Variants in NBR1 observed in about 807,000 individuals in gnomAD.
The protein encoded by NBR1 is NBR1 autophagy cargo receptor, also known as next to BRCA1 gene 1 protein.
NBR1 carries 59 observed loss-of-function variants against 115.5 expected under a neutral mutation model. The observed-to-expected ratio is 0.51, with a 90% CI of 0.41 to 0.63. NBR1 has a LOEUF of 0.63. Among genes scored for constraint, NBR1 ranks in the 30% least tolerant of loss-of-function variants. NBR1 has a pLI of 0.00. For missense variants in NBR1, 1,043 were observed against 1,150.5 expected, an observed-to-expected ratio of 0.91 and a Z score of 1.35; for synonymous variants, 373 against 414.7, an observed-to-expected ratio of 0.90 and a Z score of 1.22.
intron 12 of NBR1, 58 bp from the exon 13 acceptor site, chr17:43,194,292 C>A: frequency 6.8e-7 from 1 of 1,466,434 alleles, no homozygotes; most frequent in Non-Finnish European, 9.2e-7. Context: ...GCATTGTCAG[C>A]CTGCCTCTTC....
intron 4 of NBR1, among the ~76,000 whole-genome samples, chr17:43,180,225 CATT>C (rs995967904): frequency 3.9e-5 from 6 of 152,108 alleles, no homozygotes; most frequent in African/African-American, 1.2e-4. Context: ...GTGATTTTGT[CATT>C]ATATGGACAT....
At chr17:43,181,241 C>T (rs1443385758) in intron 5 of NBR1, among the ~76,000 whole-genome samples, 6 of 152,188 alleles carry the variant, frequency 3.9e-5, no homozygotes, top group Admixed American at 3.3e-4. Context: ...TACGTATAAA[C>T]ACAGTGAAAC....
chr17:43,198,663 T>C (rs936136313), intron 16 of NBR1, among the ~76,000 whole-genome samples: 1 of 148,252 alleles, frequency 6.7e-6, no homozygotes, highest in Non-Finnish European at 1.5e-5. Context: ...AAAAAAAAAA[T>C]AATAAAGTGT....
chr17:43,173,699 A>G (rs1304397695), intron 1 of NBR1, among the ~76,000 whole-genome samples: 1 of 152,148 alleles, frequency 6.6e-6, no homozygotes, highest in Non-Finnish European at 1.5e-5. Flanking sequence ...TATTAGACCT[A>G]TTTTATAGGT....
At chr17:43,206,084 G>A (rs2057310091) in intron 20 of NBR1, among the ~76,000 whole-genome samples, 1 of 151,336 alleles carries the variant, frequency 6.6e-6, no homozygotes, top group Admixed American at 6.6e-5. Context: ...GCCGAGGCAG[G>A]AGAATCGCTT....
chr17:43,200,537 C>T lies in NBR1; in HGVS notation c.2397C>T (p.Leu799=), dbSNP rs1175704127. ...AGGAGCACAGCATAAGTGACATCCT[C>T]ACGACCTCACAGACTCTGGAAACAG... is the stretch of plus-strand genomic sequence containing the variant. ...QPQEHSISDI[L]TTSQTLETVP... is the part of the protein sequence containing the mutation. Residue 799 remains leucine, a synonymous_variant, in exon 17 of 21, where the codon CTC becomes CTT. Coordinates refer to ENST00000590996, the MANE Select transcript of NBR1 (RefSeq NM_005899.5). 2 of 1,614,000 alleles carry T rather than the reference C, an allele frequency of 1.2e-6. No individual in the cohort carries two copies. Among genetic ancestry groups the T allele is most frequent in the South Asian group, 1.1e-5 (1 of 91,082 alleles).
At chr17:43,181,503 C>T (rs1263354645) in intron 5 of NBR1, among the ~76,000 whole-genome samples, 1 of 135,296 alleles carries the variant, frequency 7.4e-6, no homozygotes, top group African/African-American at 2.6e-5. Context: ...AACCCTGTCT[C>T]TACTAAAAAT....
intron 18 of NBR1, among the ~76,000 whole-genome samples, chr17:43,202,090 G>A (rs541492007): frequency 6.8e-6 from 1 of 146,700 alleles, no homozygotes; most frequent in African/African-American, 2.5e-5. Context: ...TGAGGCAGGA[G>A]AATCACATGA....
At position 43,197,120 on chromosome 17, in the gene NBR1, C is replaced by A. The variant is rs1340652318; in HGVS notation, c.2026+14C>A. ...AGTCCTTGCAGAGTGAGTGTCCTTGCATTTCCCCTACCTAGCAGGGTGGCA... is the reference window on the plus strand; with the variant it reads ...AGTCCTTGCAGAGTGAGTGTCCTTGAATTTCCCCTACCTAGCAGGGTGGCA... On this transcript the variant is annotated intron_variant, in intron 16 of 20. Transcript: ENST00000590996. 1 of 1,612,758 alleles carries A rather than the reference C, an allele frequency of 6.2e-7. No homozygotes were observed. The highest frequency in any genetic ancestry group is 8.5e-7 in the Non-Finnish European group (1 of 1,179,224).
intron 15 of NBR1, 32 bp from the exon 16 acceptor site, chr17:43,196,910 C>G: frequency 1.2e-6 from 2 of 1,610,422 alleles, no homozygotes; most frequent in Non-Finnish European, 1.7e-6. Context: ...ACTTTAAACA[C>G]CCAGTGCAGA....
chr17:43,194,340 G>A lies in NBR1; in HGVS notation c.1525-10G>A. 6.2e-7 allele frequency: 1 copy of A among 1,607,592 alleles called. No individual in the cohort carries two copies. Among genetic ancestry groups the A allele is most frequent in the East Asian group, 2.2e-5 (1 of 44,682 alleles). The stretch of plus-strand genomic sequence containing the variant: ...GGCCTAAAATTTGTCTCAATGGTTT[G>A]TCTCTATAGGAAACTTTTCTTCTGG... On this transcript the variant is annotated splice_polypyrimidine_tract_variant and intron_variant, in intron 12 of 20. Transcript: ENST00000590996.
chr17:43,200,865 G>GTGT (rs919340118), intron 17 of NBR1, among the ~76,000 whole-genome samples: 3 of 130,290 alleles, frequency 2.3e-5, no homozygotes, highest in Non-Finnish European at 4.9e-5. Flanking sequence ...AGAGCTGGTT[G>GTGT]TGTTTTTTTT....
intron 20 of NBR1, among the ~76,000 whole-genome samples, chr17:43,205,169 C>T (rs2057290189): frequency 6.6e-6 from 1 of 152,012 alleles, no homozygotes; most frequent in Non-Finnish European, 1.5e-5. Flanking sequence ...TCCTGGCCAA[C>T]ATGATGAAAC....
Position 43,190,746 on chromosome 17 carries a change from C to T in NBR1, c.833C>T (p.Pro278Leu), listed in dbSNP as rs367773700. 82 of 1,609,684 alleles carry T rather than the reference C, an allele frequency of 5.1e-5. No homozygotes were observed. Among genetic ancestry groups the T allele is most frequent in the Non-Finnish European group, 6.5e-5 (76 of 1,177,084 alleles). Residue 278 changes from proline to leucine, a missense_variant, in exon 9 of 21, where the codon CCT (proline) becomes CTT (leucine). Physicochemically the swap from Pro to Leu is moderately conservative, Grantham distance 98. Transcript: ENST00000590996. ...EPFCHSKYSTPRLPAALEQVR... is the reference protein window; with the variant it reads ...EPFCHSKYSTLRLPAALEQVR... ...TTCTGTCACTCAAAGTACTCTACTC[C>T]TCGTCTTCCTGCTGCTCTGGAACAA...
Position 43,196,977 on chromosome 17 carries a change from A to C in NBR1, c.1897A>C (p.Ile633Leu). ...MVSVKRKAEN[I>L]ASVEEAEEDL... ...GTCAGTAAAGAGGAAGGCTGAGAAC[A>C]TTGCTTCTGTGGAGGAAGCAGAAGA... The change falls in exon 16 of 21, where the codon ATT (isoleucine) becomes CTT (leucine). Residue 633 changes from isoleucine (I) to leucine (L), a missense_variant. Physicochemically the swap from Ile to Leu is conservative, Grantham distance 5 (BLOSUM62 2). Transcript: ENST00000590996. The C allele has an allele frequency of 6.2e-7, 1 of 1,614,048 alleles. No individual in the cohort carries two copies. The highest frequency in any genetic ancestry group is 8.5e-7 in the Non-Finnish European group (1 of 1,179,896).
At position 43,207,269 on chromosome 17, in the gene NBR1, G is replaced by A. The variant is rs137972381; in HGVS notation, c.2728-2632G>A. 6.6e-4 allele frequency among the ~76,000 whole-genome samples: 100 copies of A among 152,258 alleles called. No homozygotes were observed. The Middle Eastern group carries it at 0.014, about 21-fold the overall frequency. On this transcript the variant is annotated intron_variant, in intron 20 of 20. Coordinates refer to ENST00000590996, the MANE Select transcript of NBR1 (RefSeq NM_005899.5). ...GACGGTTGGCTCCAGGACCCCCTGT[G>A]GGATACTGAAATCCATAGATGCTTA...
chr17:43,183,144 C>T (rs2056715459), intron 5 of NBR1, among the ~76,000 whole-genome samples: 1 of 151,592 alleles, frequency 6.6e-6, no homozygotes, highest in East Asian at 1.9e-4. Flanking sequence ...CCATCCACCT[C>T]AGCCTCCCAA....
chr17:43,194,394 G>C lies in NBR1; in HGVS notation c.1569G>C (p.Val523=). The part of the protein sequence containing the change: ...LAKEERQLGE[V]TEQTEGTAAC... The stretch of plus-strand genomic sequence containing the variant: ...AAGAAGAAAGACAGCTTGGTGAAGT[G>C]ACTGAGCAGACAGAAGGGACAGCAG... Residue 523 remains valine, a synonymous_variant, in exon 13 of 21, where the codon GTG becomes GTC. Coordinates refer to ENST00000590996, the MANE Select transcript of NBR1 (RefSeq NM_005899.5). 2 of 1,613,922 alleles carry C rather than the reference G, an allele frequency of 1.2e-6. No homozygotes were observed. The highest frequency in any genetic ancestry group is 1.3e-5 in the African/African-American group (1 of 75,034).
chr17:43,193,317 G>T (rs548626025), intron 11 of NBR1, 31 bp from the exon 12 acceptor site: 1 of 1,612,466 alleles, frequency 6.2e-7, no homozygotes, highest in African/African-American at 1.3e-5. Flanking sequence ...CAGCTGACAA[G>T]CTTGCTTTCT....
Sources: gnomAD v4.1 joint callset for allele counts (sites outside exome capture counted in the v4.1 genomes callset) on GRCh38, gnomAD v4.1.1 for gene constraint, MANE v1.5 for transcripts, NCBI Gene and HGNC (gene_info 2026-07-23, HGNC 2026-07-21) for gene names.